Variants in BNC2 observed in about 807,000 individuals in gnomAD.
BNC2 encodes the protein basonuclin zinc finger protein 2.
In BNC2, 20 loss-of-function variants were observed where a neutral mutation model predicts 76.3. The observed-to-expected ratio is 0.26, with a 90% confidence interval of 0.18 to 0.38. BNC2 has a LOEUF of 0.38. Among genes scored for constraint, BNC2 ranks in the 10% least tolerant of loss-of-function variants. BNC2 has a pLI of 1.00. For missense variants in BNC2, 1,382 were observed against 1,399.8 expected (o/e 0.99, Z 0.20); for synonymous variants, 582 against 514.8 (o/e 1.13, Z -1.77).
At chr9:16,447,013 G>C (rs895307164) in intron 5 of BNC2, among the ~76,000 whole-genome samples, 5 of 152,154 alleles carry the variant, frequency 3.3e-5, no homozygotes, top group African/African-American at 1.2e-4. Flanking sequence ...TGCAATGTCT[G>C]GAATTGGACT....
chr9:16,446,391 G>A (rs555205615), intron 5 of BNC2, among the ~76,000 whole-genome samples: 16 of 152,172 alleles, frequency 1.1e-4, no homozygotes, highest in South Asian at 2.1e-4. Flanking sequence ...GAAGGAAGAA[G>A]CAACATGATA....
intron 5 of BNC2, among the ~76,000 whole-genome samples, chr9:16,530,707 G>GTT (rs1817949052): frequency 6.6e-6 from 1 of 152,190 alleles, no homozygotes; most frequent in African/African-American, 2.4e-5. Context: ...CACAAACCAT[G>GTT]GTATATGTTG....
At chr9:16,431,442 C>T in intron 6 of BNC2, 1 of 470,324 alleles carries the variant, frequency 2.1e-6, no homozygotes, top group South Asian at 1.6e-5. Flanking sequence ...AAGAGAATCT[C>T]CCGTATGAAG....
At chr9:16,703,734 T>C (rs1823580954) in intron 3 of BNC2, among the ~76,000 whole-genome samples, 2 of 152,282 alleles carry the variant, frequency 1.3e-5, no homozygotes, top group South Asian at 4.1e-4. Context: ...TAAAACTCTA[T>C]AAATAGGGCA....
intron 1 of BNC2, among the ~76,000 whole-genome samples, chr9:16,854,330 A>T (rs1033599151): frequency 6.6e-6 from 1 of 152,234 alleles, no homozygotes; most frequent in African/African-American, 2.4e-5. Flanking sequence ...AGAATTATTA[A>T]GAATCTTTAA....
rs543209480 is a variant in BNC2, at chr9:16,435,449, T to A, written c.2639+106A>T. The A allele has an allele frequency of 1.5e-5, 20 of 1,349,058 alleles. No homozygotes were observed. The East Asian group carries it at 4.4e-4, about 29-fold the overall frequency. The allele number at this position is 1,349,058 out of a possible 1,614,324, so 83.6% of individuals were successfully genotyped here. On this transcript the variant is annotated intron_variant, in intron 6 of 6. Coordinates refer to ENST00000380672, the MANE Select transcript of BNC2 (RefSeq NM_017637.6). Reference sequence around the variant, plus strand: ...TGATCACTGTGGACAATCTTTACAGTGCACCAAAAACATCTAAGTTGGATT... The same window carrying A: ...TGATCACTGTGGACAATCTTTACAGAGCACCAAAAACATCTAAGTTGGATT...
At chr9:16,523,991 C>CTG (rs1256356133) in intron 5 of BNC2, among the ~76,000 whole-genome samples, 2 of 152,152 alleles carry the variant, frequency 1.3e-5, no homozygotes, top group African/African-American at 4.8e-5. Context: ...TTTTACAACT[C>CTG]TAACAGATTT....
rs1197972512 is a variant in BNC2, at chr9:16,583,031, T to A, written c.385A>T (p.Ile129Phe). The change falls in exon 4 of 7, where the codon ATT (isoleucine) becomes TTT (phenylalanine). Residue 129 changes from isoleucine to phenylalanine, a missense_variant. Physicochemically the swap from Ile to Phe is conservative, Grantham distance 21 (BLOSUM62 0). This residue lies in a region of BNC2 where 557 missense variants were observed against 540.9 expected (regional missense o/e 1.03). Coordinates refer to ENST00000380672, the MANE Select transcript of BNC2 (RefSeq NM_017637.6). ...CTCECFQPGK[I>F]NLRTCDQCKH... The stretch of plus-strand genomic sequence containing the variant: ...CACTGATCACAAGTCCTCAGGTTAA[T>A]CTTCCCTGGCTGAAAACATTCACAT... The A allele has an allele frequency of 1.2e-6, 2 of 1,613,968 alleles. No homozygotes were observed. The highest frequency in any genetic ancestry group is 1.7e-6 in the Non-Finnish European group (2 of 1,179,994).
intron 1 of BNC2, among the ~76,000 whole-genome samples, chr9:16,793,014 A>G (rs371123591): frequency 5.9e-5 from 9 of 152,368 alleles, no homozygotes; most frequent in African/African-American, 2.2e-4. Context: ...AAGATTCTCA[A>G]TACCAAATAG....
Position 16,508,284 on chromosome 9 carries a change from G to A in BNC2, c.669+44246C>T, listed in dbSNP as rs143886707. Reference sequence around the variant, plus strand: ...AAGACATCTTGGACTTGATCATCGCGGACATTTCCAACACATCAGTCAACT... The same window carrying A: ...AAGACATCTTGGACTTGATCATCGCAGACATTTCCAACACATCAGTCAACT... On this transcript the variant is annotated intron_variant, in intron 5 of 6. Coordinates refer to ENST00000380672, the MANE Select transcript of BNC2 (RefSeq NM_017637.6). 5.6e-3 allele frequency among the ~76,000 whole-genome samples: 854 copies of A among 152,226 alleles called. 9 individuals are homozygous for A. The highest frequency in any genetic ancestry group is 0.02 in the African/African-American group (811 of 41,528).
intron 3 of BNC2, among the ~76,000 whole-genome samples, chr9:16,726,559 TAA>T (rs35579154): frequency 0.15 from 15,015 of 102,246 alleles, 1,000 homozygotes; most frequent in Admixed American, 0.25. Flanking sequence ...AAAAGCTTTT[TAA>T]AAAAAAAAAA....
In BNC2 at chr9:16,864,170, T is replaced by C. The variant is rs538048660; in HGVS notation, c.3+6476A>G. On this transcript the variant is annotated intron_variant, in intron 1 of 6. Transcript: ENST00000380672. ...CAAATGTATTTCTAAAGAACCAGGC[T>C]ATGCTAGAGGAAAATCAAAGGAGGA... Among the ~76,000 whole-genome samples, 10 of 152,330 alleles carry C rather than the reference T, an allele frequency of 6.6e-5. No homozygotes were observed. In the East Asian group the frequency reaches 1.9e-3, roughly 29 times the overall value.
chr9:16,426,462 G>A (rs1343463328), intron 6 of BNC2, among the ~76,000 whole-genome samples: 1 of 151,902 alleles, frequency 6.6e-6, no homozygotes, highest in South Asian at 2.1e-4. Flanking sequence ...ACCACACCCA[G>A]CCTAAAATGG....
At chr9:16,423,255 C>G (rs1029070995) in intron 6 of BNC2, among the ~76,000 whole-genome samples, 6 of 152,164 alleles carry the variant, frequency 3.9e-5, no homozygotes, top group Non-Finnish European at 5.9e-5. Context: ...ATATCTAAGA[C>G]TGTATTAGAA....
intron 1 of BNC2, among the ~76,000 whole-genome samples, chr9:16,751,588 C>T (rs13290007): frequency 0.51 from 67,401 of 132,554 alleles, 21,167 homozygotes; most frequent in Non-Finnish European, 0.71. Context: ...AAATATAAAG[C>T]TGCTGTCCCC....
At chr9:16,435,334 C>T (rs1386844280) in intron 6 of BNC2, among the ~76,000 whole-genome samples, 1 of 152,086 alleles carries the variant, frequency 6.6e-6, no homozygotes, top group African/African-American at 2.4e-5. Context: ...GCGTGCATTA[C>T]GGGTAAGATG....
chr9:16,611,139 A>G (rs1820534099), intron 3 of BNC2, among the ~76,000 whole-genome samples: 2 of 152,200 alleles, frequency 1.3e-5, no homozygotes, highest in South Asian at 4.1e-4. Context: ...CTATGCTTTA[A>G]TATGTACAAT....
At chr9:16,554,008 A>C (rs1818744627) in intron 4 of BNC2, among the ~76,000 whole-genome samples, 1 of 152,194 alleles carries the variant, frequency 6.6e-6, no homozygotes, top group African/African-American at 2.4e-5. Flanking sequence ...AGCCTGAAGG[A>C]TGGTCATCTA....
chr9:16,611,739 C>A (rs1820551899), intron 3 of BNC2, among the ~76,000 whole-genome samples: 1 of 152,114 alleles, frequency 6.6e-6, no homozygotes. Flanking sequence ...CCAAGTTTCA[C>A]TAAATGTGTT....
Sources: gnomAD v4.1 joint callset for allele counts (sites outside exome capture counted in the v4.1 genomes callset) on GRCh38, gnomAD v4.1.1 for gene constraint, gnomAD v4.1.1 regional missense constraint, MANE v1.5 for transcripts, NCBI Gene and HGNC (gene_info 2026-07-23, HGNC 2026-07-21) for gene names.